Variants in UGT1A4 observed in about 807,000 individuals in gnomAD.
The protein encoded by UGT1A4 is UDP-glucuronosyltransferase 1A4.
Under a neutral mutation model 41.1 loss-of-function variants are expected in UGT1A4, and 32 were observed. The observed-to-expected ratio is 0.78, with a 90% CI of 0.59 to 1.05. The LOEUF (loss-of-function observed/expected upper bound fraction) is 1.05. Ranked by LOEUF, UGT1A4 falls within the 50% of genes least tolerant of loss-of-function variation. UGT1A4 has a pLI of 0.00. For missense variants in UGT1A4, 748 were observed against 677.4 expected (o/e 1.10, Z -1.16); for synonymous variants, 283 against 265.1 (o/e 1.07, Z -0.66).
In UGT1A4 at chr2:233,747,595, G is replaced by C. The variant is rs188498977; in HGVS notation, c.868-19439G>C. The C allele has an allele frequency of 1.4e-3, 2,167 of 1,576,574 alleles. 6 individuals are homozygous for C. Among genetic ancestry groups the C allele is most frequent in the Non-Finnish European group, 1.7e-3 (1,986 of 1,146,462 alleles). On this transcript the variant is annotated intron_variant, in intron 1 of 4. Transcript: ENST00000373409. ...TCATCTTTGGTCTTTCATAGGTCTT[G>C]TGTGGAGCTACTGCATAATGAGGCC...
In UGT1A4 at chr2:233,725,005, C is replaced by T. The variant is rs1205607932; in HGVS notation, c.867+5318C>T. 3.6e-4 allele frequency among the ~76,000 whole-genome samples: 53 copies of T among 147,398 alleles called. 3 individuals carry two copies. The highest frequency in any genetic ancestry group is 1.3e-3 in the African/African-American group (50 of 39,416). The stretch of plus-strand genomic sequence containing the variant: ...CGCGGTTAGGGGCTGGAGACCGGCC[C>T]GGCCAAACAGCAAAACCCGGTCTCC... On this transcript the variant is annotated intron_variant, in intron 1 of 4. Transcript: ENST00000373409.
intron 1 of UGT1A4, among the ~76,000 whole-genome samples, chr2:233,753,908 C>T (rs1252814204): frequency 6.6e-6 from 1 of 152,246 alleles, no homozygotes; most frequent in South Asian, 2.1e-4. Context: ...CTTCTTACAC[C>T]GATTTCAGCT....
At chr2:233,726,567 G>A (rs142621262) in intron 1 of UGT1A4, among the ~76,000 whole-genome samples, 285 of 152,062 alleles carry the variant, frequency 1.9e-3, no homozygotes, top group African/African-American at 5.9e-3. Context: ...CCACTCTTAC[G>A]CCTGTCTCCT....
intron 1 of UGT1A4, among the ~76,000 whole-genome samples, chr2:233,731,284 CT>C (rs78127606): frequency 0.15 from 20,469 of 139,534 alleles, 1,444 homozygotes; most frequent in East Asian, 0.21. Context: ...GTTTTTCTTT[CT>C]TTTTTTTTTT....
chr2:233,761,076 T>A, intron 1 of UGT1A4: 4 of 1,614,164 alleles, frequency 2.5e-6, no homozygotes, highest in Non-Finnish European at 3.4e-6. Flanking sequence ...TTGTGAAGGA[T>A]TACCCTAGGC....
chr2:233,760,196 A>G, intron 1 of UGT1A4: 1 of 1,576,328 alleles, frequency 6.3e-7, no homozygotes, highest in Middle Eastern at 2.3e-4. Flanking sequence ...CACGTGACAC[A>G]GTCAAACATT....
In UGT1A4 at chr2:233,767,076, G is replaced by A. The variant is rs770930440; in HGVS notation, c.910G>A (p.Val304Met). The A allele has an allele frequency of 8.1e-6, 13 of 1,614,020 alleles. No individual in the cohort carries two copies. The highest frequency in any genetic ancestry group is 1.6e-4 in the Middle Eastern group (1 of 6,082). ...TAATGCTTCTGGAGAACATGGAATT[G>A]TGGTTTTCTCTTTGGGATCAATGGT... is the stretch of plus-strand genomic sequence containing the variant. ...YINASGEHGI[V>M]VFSLGSMVSE... is the part of the protein sequence containing the mutation. The change falls in exon 2 of 5, where the codon GTG becomes ATG. Residue 304 changes from valine (V) to methionine (M), a missense_variant. Val to Met is a conservative substitution (Grantham distance 21). Coordinates refer to ENST00000373409, the MANE Select transcript of UGT1A4 (RefSeq NM_007120.3).
intron 1 of UGT1A4, chr2:233,754,742 G>A: frequency 1.4e-6 from 1 of 717,428 alleles, no homozygotes; most frequent in Non-Finnish European, 2.2e-6. Context: ...CGTAGGACAT[G>A]CAGAAGGAAG....
Position 233,769,613 on chromosome 2 carries a change from C to A in UGT1A4, c.1307+1174C>A. 6 of 1,612,708 alleles carry A rather than the reference C, an allele frequency of 3.7e-6. No individual in the cohort carries two copies. Among genetic ancestry groups the A allele is most frequent in the Non-Finnish European group, 5.1e-6 (6 of 1,179,824 alleles). Reference sequence around the variant, plus strand: ...GAGACGGAACACGGGGACACACCAGCTTGAGCAAGGGACAACAGGGGAGGA... The same window carrying A: ...GAGACGGAACACGGGGACACACCAGATTGAGCAAGGGACAACAGGGGAGGA... On this transcript the variant is annotated intron_variant, in intron 4 of 4. Transcript: ENST00000373409. The surrounding 1 kb of genome is among the most constrained non-coding windows in gnomAD (Gnocchi z 4.4).
chr2:233,767,208 G>A (rs1699334912), intron 2 of UGT1A4, 43 bp downstream of exon 2: 1 of 1,612,972 alleles, frequency 6.2e-7, no homozygotes, highest in Non-Finnish European at 8.5e-7. Context: ...ATTTTCACAG[G>A]AGCGCTAATC....
intron 1 of UGT1A4, chr2:233,729,826 C>T (rs1653998510): frequency 6.2e-7 from 1 of 1,613,940 alleles, no homozygotes; most frequent in Non-Finnish European, 8.5e-7. Flanking sequence ...TTATGCAAGC[C>T]TTGCCTCTGA....
At chr2:233,748,000 T>C in intron 1 of UGT1A4, 1 of 1,613,538 alleles carries the variant, frequency 6.2e-7, no homozygotes, top group East Asian at 2.2e-5. Context: ...GACTTTGTGA[T>C]GGATTACCCC....
Position 233,719,047 on chromosome 2 carries a change from C to A in UGT1A4, c.227C>A (p.Thr76Asn). 2 of 1,614,252 alleles carry A rather than the reference C, an allele frequency of 1.2e-6. No homozygotes were observed. The highest frequency in any genetic ancestry group is 1.7e-6 in the Non-Finnish European group (2 of 1,180,036). The change falls in exon 1 of 5, where the codon ACC becomes AAC. Residue 76 changes from threonine (T) to asparagine (N), a missense_variant. Thr to Asn is a moderately conservative substitution (Grantham distance 65). Coordinates refer to ENST00000373409, the MANE Select transcript of UGT1A4 (RefSeq NM_007120.3). ...NMHIKEEKFFTLTAYAVPWTQ... is the reference protein window; with the variant it reads ...NMHIKEEKFFNLTAYAVPWTQ... ...CACATCAAAGAAGAGAAATTTTTCACCCTGACAGCCTATGCTGTTCCATGG... is the reference window on the plus strand; with the variant it reads ...CACATCAAAGAAGAGAAATTTTTCAACCTGACAGCCTATGCTGTTCCATGG...
At position 233,767,137 on chromosome 2, in the gene UGT1A4, C is replaced by T. The variant is rs761316504; in HGVS notation, c.971C>T (p.Ala324Val). The T allele has an allele frequency of 3.1e-6, 5 of 1,614,108 alleles. No homozygotes were observed. The highest frequency in any genetic ancestry group is 1.7e-5 in the Admixed American group (1 of 60,028). Reference protein sequence around the residue: ...EIPEKKAMAIADALGKIPQTV... With the variant: ...EIPEKKAMAIVDALGKIPQTV... ...CCAGAGAAGAAAGCTATGGCAATTGCTGATGCTTTGGGCAAAATCCCTCAG... is the reference window on the plus strand; with the variant it reads ...CCAGAGAAGAAAGCTATGGCAATTGTTGATGCTTTGGGCAAAATCCCTCAG... The change falls in exon 2 of 5, where the codon GCT becomes GTT. Residue 324 changes from alanine (A) to valine (V), a missense_variant. Coordinates refer to ENST00000373409, the MANE Select transcript of UGT1A4 (RefSeq NM_007120.3).
chr2:233,761,161 G>A lies in UGT1A4; in HGVS notation c.868-5873G>A, dbSNP rs1276914496. ...AAATCCACTATCCCAGGTGTGTATT[G>A]GAGTGGGACTTTTACATGCGTATAT... is the stretch of plus-strand genomic sequence containing the variant. On this transcript the variant is annotated intron_variant, in intron 1 of 4. Transcript: ENST00000373409. The A allele has an allele frequency of 6.2e-7, 1 of 1,614,176 alleles. No homozygotes were observed. The highest frequency in any genetic ancestry group is 1.7e-5 in the Admixed American group (1 of 60,028).
chr2:233,758,250 G>A (rs564739721), intron 1 of UGT1A4, among the ~76,000 whole-genome samples: 109 of 152,302 alleles, frequency 7.2e-4, no homozygotes, highest in African/African-American at 2.6e-3. Context: ...CCACTATTCA[G>A]ATTAGTAAGT....
chr2:233,729,973 A>C, intron 1 of UGT1A4: 1 of 1,614,080 alleles, frequency 6.2e-7, no homozygotes, highest in East Asian at 2.2e-5. Context: ...CAACTGTGCC[A>C]ACAGGAAGCC....
intron 1 of UGT1A4, among the ~76,000 whole-genome samples, chr2:233,749,052 C>A (rs1694096242): frequency 6.6e-6 from 1 of 151,690 alleles, no homozygotes; most frequent in Admixed American, 6.6e-5. Flanking sequence ...TACTCTGGGA[C>A]CTGAATATTG....
chr2:233,747,699 A>G lies in UGT1A4; in HGVS notation c.868-19335A>G. 2.5e-6 allele frequency: 4 copies of G among 1,611,746 alleles called. No individual in the cohort carries two copies. In the South Asian group the frequency reaches 3.3e-5, roughly 13 times the overall value. On this transcript the variant is annotated intron_variant, in intron 1 of 4. Coordinates refer to ENST00000373409, the MANE Select transcript of UGT1A4 (RefSeq NM_007120.3). ...TTACCTCTGTGGGGCAGTGCTGGCT[A>G]AGTACCTATCAATTCCTGCTGTGTT...
Sources: gnomAD v4.1 joint callset for allele counts (sites outside exome capture counted in the v4.1 genomes callset) on GRCh38, gnomAD v4.1.1 for gene constraint, Gnocchi (gnomAD v3.1) non-coding constraint, MANE v1.5 for transcripts, NCBI Gene and HGNC (gene_info 2026-07-23, HGNC 2026-07-21) for gene names.